PDE1A: variants seen among roughly 807,000 people sequenced by gnomAD.
PDE1A encodes phosphodiesterase 1A, also known as dual specificity calcium/calmodulin-dependent 3',5'-cyclic nucleotide phosphodiesterase 1A.
In PDE1A, 35 loss-of-function variants were observed where a neutral mutation model predicts 61.7. That is an observed-to-expected ratio of 0.57 (90% CI 0.43 to 0.75). PDE1A has a LOEUF of 0.75. PDE1A is among the 30% of genes least tolerant of loss of function. The pLI is 0.00. For synonymous variants in PDE1A, 232 were observed against 213.2 expected (o/e 1.09, Z -0.77); for missense variants, 597 against 630.6 (o/e 0.95, Z 0.57).
chr2:182,401,417 A>G (rs1701992907), intron 1 of PDE1A, among the ~76,000 whole-genome samples: 1 of 152,208 alleles, frequency 6.6e-6, no homozygotes, highest in Non-Finnish European at 1.5e-5. Context: ...CCAATGACAA[A>G]AAACATATGA....
At chr2:182,544,518 G>A in the PDE1A span, among the ~76,000 whole-genome samples, 1 of 152,144 alleles carries the variant, frequency 6.6e-6, no homozygotes, top group Non-Finnish European at 1.5e-5. Flanking sequence ...CATCAGCTTA[G>A]AGAGCTAAAC....
the PDE1A span, among the ~76,000 whole-genome samples, chr2:182,641,148 A>G: frequency 3.3e-5 from 5 of 152,264 alleles, no homozygotes; most frequent in South Asian, 8.3e-4. Flanking sequence ...TTATAGATGC[A>G]TAAAGAAACT....
the PDE1A span, among the ~76,000 whole-genome samples, chr2:182,598,952 A>G: frequency 6.6e-6 from 1 of 152,172 alleles, no homozygotes; most frequent in African/African-American, 2.4e-5. Context: ...CATGGGATGG[A>G]GGCTGGAGTT....
At chr2:182,564,097 T>A in the PDE1A span, among the ~76,000 whole-genome samples, 2 of 152,026 alleles carry the variant, frequency 1.3e-5, no homozygotes, top group Admixed American at 6.6e-5. Flanking sequence ...TCCTGTCATT[T>A]TGATGTTAGC....
At chr2:182,205,324 G>A (rs916904862) in intron 8 of PDE1A, among the ~76,000 whole-genome samples, 2 of 152,076 alleles carry the variant, frequency 1.3e-5, no homozygotes, top group African/African-American at 2.4e-5. Flanking sequence ...TGAAGGAGAT[G>A]ATAATGACCA....
chr2:182,353,878 T>C (rs936398013), intron 1 of PDE1A, among the ~76,000 whole-genome samples: 1 of 152,064 alleles, frequency 6.6e-6, no homozygotes, highest in Admixed American at 6.6e-5. Flanking sequence ...AATTATATGG[T>C]GATTCCAAGA....
intron 2 of PDE1A, among the ~76,000 whole-genome samples, chr2:182,255,992 T>G (rs1691753972): frequency 6.7e-6 from 1 of 149,486 alleles, no homozygotes; most frequent in South Asian, 2.1e-4. Context: ...TTTCAACCAA[T>G]GTTTGGCTAT....
chr2:182,416,641 A>G (rs961877804), intron 1 of PDE1A, among the ~76,000 whole-genome samples: 4 of 152,076 alleles, frequency 2.6e-5, no homozygotes, highest in Non-Finnish European at 4.4e-5. Context: ...TAAGAAAAGA[A>G]ATAATTAAAG....
intron 13 of PDE1A, among the ~76,000 whole-genome samples, chr2:182,148,546 A>G (rs1366995701): frequency 6.6e-6 from 1 of 152,092 alleles, no homozygotes; most frequent in Admixed American, 6.5e-5. Context: ...TGGCTTCTTT[A>G]CAATGTCCAC....
At chr2:182,625,375 G>A in the PDE1A span, among the ~76,000 whole-genome samples, 2 of 152,138 alleles carry the variant, frequency 1.3e-5, no homozygotes, top group African/African-American at 2.4e-5. Flanking sequence ...GACTTGACAC[G>A]GGTACAGAGA....
chr2:182,379,105 A>C (rs924777238), intron 1 of PDE1A, among the ~76,000 whole-genome samples: 1 of 152,196 alleles, frequency 6.6e-6, no homozygotes, highest in African/African-American at 2.4e-5. Context: ...TGTAAATCCC[A>C]CTGATACCTA....
chr2:182,700,089 A>G, the PDE1A span, among the ~76,000 whole-genome samples: 5 of 152,222 alleles, frequency 3.3e-5, no homozygotes, highest in African/African-American at 1.2e-4. Flanking sequence ...CCACTTTCTC[A>G]TTGCCTCTGT....
At chr2:182,270,906 A>C (rs1238121270) in intron 1 of PDE1A, among the ~76,000 whole-genome samples, 2 of 151,900 alleles carry the variant, frequency 1.3e-5, no homozygotes, top group Non-Finnish European at 2.9e-5. Flanking sequence ...CTGCAGGTCG[A>C]TGCTCAGGAA....
chr2:182,312,091 T>C (rs1456435031), intron 1 of PDE1A, among the ~76,000 whole-genome samples: 1 of 152,218 alleles, frequency 6.6e-6, no homozygotes, highest in African/African-American at 2.4e-5. Flanking sequence ...TCCTCTTTGA[T>C]GGAAGTGTCT....
chr2:182,295,539 C>T (rs1278559833), intron 1 of PDE1A, among the ~76,000 whole-genome samples: 1 of 152,108 alleles, frequency 6.6e-6, no homozygotes, highest in East Asian at 1.9e-4. Flanking sequence ...GAGAGTTTTA[C>T]AGCATGCCAA....
rs532621760 is a variant in PDE1A at position 182,355,990 on chromosome 2, T to C, written c.53+70588A>G. Among the ~76,000 whole-genome samples the C allele has an allele frequency of 4.6e-5, 7 of 152,348 alleles. No individual in the cohort carries two copies. The South Asian group carries it at 6.2e-4, about 14-fold the overall frequency. ...GAATAGGAAAGTCTAAGTTGGATAA[T>C]AGTTTCTAGCATGCAAGTGTTGCAC... On this transcript the variant is annotated intron_variant, in intron 1 of 13. Coordinates refer to ENST00000351439, the Ensembl canonical transcript of PDE1A.
intron 3 of PDE1A, 73 bp from the exon 4 acceptor site, chr2:182,234,571 G>C: frequency 1.0e-6 from 1 of 964,782 alleles, no homozygotes; most frequent in East Asian, 2.5e-5. Flanking sequence ...TTAAATATCA[G>C]GGAAAAGATT....
At chr2:182,516,702 G>GAGGGAGGAAGGAAGGAAGGA (rs1210589355) in intron 2 of PDE1A, among the ~76,000 whole-genome samples, 1 of 116,764 alleles carries the variant, frequency 8.6e-6, no homozygotes, top group East Asian at 2.4e-4. Flanking sequence ...GGGAGGAAGG[G>GAGGGAGGAAGGAAGGAAGGA]AGGAAGGAAG....
chr2:182,669,758 C>T, the PDE1A span, among the ~76,000 whole-genome samples: 1 of 152,236 alleles, frequency 6.6e-6, no homozygotes, highest in Non-Finnish European at 1.5e-5. Flanking sequence ...ACCTTTTACG[C>T]CATGTGTATG....
Sources: gnomAD v4.1 joint callset for allele counts (sites outside exome capture counted in the v4.1 genomes callset) on GRCh38, gnomAD v4.1.1 for gene constraint, MANE v1.5 for transcripts, NCBI Gene and HGNC (gene_info 2026-07-23, HGNC 2026-07-21) for gene names.